MACROD2: variants seen among roughly 807,000 people sequenced by gnomAD.
MACROD2 encodes the protein mono-ADP ribosylhydrolase 2.
A neutral mutation model predicts 70.4 loss-of-function variants in MACROD2; 36 were observed. The observed-to-expected ratio is 0.51, with a 90% CI of 0.39 to 0.68. The LOEUF (loss-of-function observed/expected upper bound fraction) is 0.68. Ranked by LOEUF, MACROD2 falls within the 30% of genes least tolerant of loss-of-function variation. The pLI is 0.00. For synonymous variants in MACROD2, 172 were observed against 178.8 expected, an observed-to-expected ratio of 0.96 and a Z score of 0.30; for missense variants, 496 against 538.4, an observed-to-expected ratio of 0.92 and a Z score of 0.78.
chr20:15,539,942 C>T (rs554267289), intron 8 of MACROD2, among the ~76,000 whole-genome samples: 11 of 152,160 alleles, frequency 7.2e-5, no homozygotes, highest in Non-Finnish European at 1.3e-4. Context: ...GAGCCAAGAT[C>T]GTGCCACTGC....
intron 13 of MACROD2, among the ~76,000 whole-genome samples, chr20:15,969,425 A>T (rs915133993): frequency 2.0e-5 from 3 of 152,182 alleles, no homozygotes; most frequent in Non-Finnish European, 4.4e-5. Flanking sequence ...GTATTAGATA[A>T]ATATGTTGAG....
chr20:15,805,665 G>A (rs368548455), intron 8 of MACROD2, among the ~76,000 whole-genome samples: 3 of 152,156 alleles, frequency 2.0e-5, no homozygotes, highest in Middle Eastern at 3.4e-3. Context: ...TAGTAGAGAC[G>A]GGGTTTCTCC....
intron 3 of MACROD2, among the ~76,000 whole-genome samples, chr20:14,216,390 A>G (rs1050565990): frequency 2.0e-5 from 3 of 152,000 alleles, no homozygotes; most frequent in African/African-American, 7.2e-5. Flanking sequence ...CCAGTACCAC[A>G]CTGTTTGGTG....
intron 12 of MACROD2, among the ~76,000 whole-genome samples, chr20:15,960,076 T>C (rs1395220633): frequency 2.0e-5 from 3 of 152,202 alleles, no homozygotes; most frequent in Non-Finnish European, 4.4e-5. Flanking sequence ...TCAGTTCCTC[T>C]AGAGACTCAA....
chr20:15,049,216 A>T (rs941187126), intron 5 of MACROD2, among the ~76,000 whole-genome samples: 4 of 152,060 alleles, frequency 2.6e-5, no homozygotes, highest in African/African-American at 9.7e-5. Context: ...GATCAGGGAG[A>T]TAAATTAGTA....
In MACROD2 at chr20:14,364,854, A is replaced by G. The variant is rs373760826; in HGVS notation, c.272-128625A>G. ...CATGTCAAAATTTGCCCATCCATTCATCTGCTGCTGGACACTTTGGTAGTA... is the reference window on the plus strand; with the variant it reads ...CATGTCAAAATTTGCCCATCCATTCGTCTGCTGCTGGACACTTTGGTAGTA... On this transcript the variant is annotated intron_variant, in intron 3 of 17. Coordinates refer to ENST00000684519, the MANE Select transcript of MACROD2 (RefSeq NM_001351661.2). 6.6e-5 allele frequency among the ~76,000 whole-genome samples: 10 copies of G among 152,250 alleles called. No individual in the cohort carries two copies. In the East Asian group the frequency reaches 1.4e-3, roughly 21 times the overall value.
chr20:15,417,606 AAAAAAAAAAAG>A (rs1222789846), intron 6 of MACROD2, among the ~76,000 whole-genome samples: 10 of 146,380 alleles, frequency 6.8e-5, no homozygotes, highest in African/African-American at 2.5e-4. Flanking sequence ...CTCAAAAAAA[AAAAAAAAAAAG>A]AAAGAAAGAA....
chr20:15,102,747 G>T (rs1314096287), intron 5 of MACROD2, among the ~76,000 whole-genome samples: 1 of 151,780 alleles, frequency 6.6e-6, no homozygotes, highest in African/African-American at 2.4e-5. Context: ...TGTGAAAATT[G>T]AGATATTTTG....
At chr20:14,730,926 A>T (rs549800238) in intron 5 of MACROD2, among the ~76,000 whole-genome samples, 1 of 151,950 alleles carries the variant, frequency 6.6e-6, no homozygotes, top group Non-Finnish European at 1.5e-5. Context: ...CATGTTTTAC[A>T]TAATAAACTC....
intron 3 of MACROD2, among the ~76,000 whole-genome samples, chr20:14,140,555 C>A (rs1032048680): frequency 2.0e-5 from 3 of 152,132 alleles, no homozygotes; most frequent in Non-Finnish European, 2.9e-5. Context: ...CAGATGAACC[C>A]TGTATTTTTA....
intron 3 of MACROD2, among the ~76,000 whole-genome samples, chr20:14,456,328 A>G (rs1281066680): frequency 1.3e-5 from 2 of 151,834 alleles, no homozygotes; most frequent in Non-Finnish European, 2.9e-5. Context: ...TTAATATGGC[A>G]TAGCACAGTA....
intron 3 of MACROD2, among the ~76,000 whole-genome samples, chr20:14,372,489 T>C (rs561359911): frequency 1.8e-4 from 27 of 152,272 alleles, no homozygotes; most frequent in African/African-American, 6.0e-4. Flanking sequence ...TTTTTAGTGG[T>C]ATATTTTTGG....
At chr20:15,805,549 T>A (rs1046457915) in intron 8 of MACROD2, among the ~76,000 whole-genome samples, 6 of 151,908 alleles carry the variant, frequency 3.9e-5, no homozygotes, top group Admixed American at 2.6e-4. Context: ...CGATCTCGGC[T>A]CACCACAACC....
chr20:14,049,488 C>G (rs1161122230), intron 2 of MACROD2, among the ~76,000 whole-genome samples: 1 of 151,844 alleles, frequency 6.6e-6, no homozygotes, highest in Non-Finnish European at 1.5e-5. Context: ...CGCTTATAAT[C>G]CCAGCACTTT....
intron 6 of MACROD2, among the ~76,000 whole-genome samples, chr20:15,417,928 A>C (rs988966028): frequency 6.6e-6 from 1 of 152,206 alleles, no homozygotes; most frequent in African/African-American, 2.4e-5. Context: ...GGATGCTGAA[A>C]AAGAATTCTC....
rs6514463 is a variant in MACROD2 at position 14,030,031 on chromosome 20, T to C, written c.163+27627T>C. Among the ~76,000 whole-genome samples the C allele has an allele frequency of 4.4e-3, 666 of 152,292 alleles. 2 individuals are homozygous for C. The highest frequency in any genetic ancestry group is 0.015 in the African/African-American group (624 of 41,560). ...AAATAGTACTTTTTTTCCTTGCAGA[T>C]TTTACTTGCAAAGTATTGTAACCTG... On this transcript the variant is annotated intron_variant, in intron 2 of 17. Transcript: ENST00000684519.
chr20:15,281,253 C>T (rs1367011032), intron 6 of MACROD2, among the ~76,000 whole-genome samples: 1 of 146,688 alleles, frequency 6.8e-6, no homozygotes, highest in African/African-American at 2.4e-5. Flanking sequence ...TATTATTCTG[C>T]CCCTGGCAGA....
At chr20:15,674,973 A>T (rs1321936089) in intron 8 of MACROD2, among the ~76,000 whole-genome samples, 1 of 152,156 alleles carries the variant, frequency 6.6e-6, no homozygotes, top group Admixed American at 6.5e-5. Flanking sequence ...CTGGGGAATA[A>T]TGGGAAATGC....
At position 15,342,001 on chromosome 20, in the gene MACROD2, C is replaced by T. The variant is rs527757998; in HGVS notation, c.541-89404C>T. Among the ~76,000 whole-genome samples the T allele has an allele frequency of 5.9e-3, 891 of 152,180 alleles. 5 individuals carry two copies. Among genetic ancestry groups the T allele is most frequent in the Middle Eastern group, 0.01 (3 of 294 alleles). ...CCTAGGAGTTTGAGGCTGCAGTGAG[C>T]TTTGATCACACCACTGTACTTCAGC... On this transcript the variant is annotated intron_variant, in intron 6 of 17. Coordinates refer to ENST00000684519, the MANE Select transcript of MACROD2 (RefSeq NM_001351661.2).
Sources: allele counts gnomAD v4.1 joint callset (sites outside exome capture counted in the v4.1 genomes callset), GRCh38; gene constraint gnomAD v4.1.1; transcripts MANE v1.5; gene names NCBI Gene and HGNC (gene_info 2026-07-23, HGNC 2026-07-21).